ABLIM2: variants seen among roughly 807,000 people sequenced by gnomAD.
ABLIM2 encodes actin-binding LIM protein 2.
In ABLIM2, 53 loss-of-function variants were observed where a neutral mutation model predicts 97.7. The observed-to-expected ratio is 0.54, with a 90% CI of 0.44 to 0.68. ABLIM2 has a LOEUF of 0.68. Among genes scored for constraint, ABLIM2 ranks in the 30% least tolerant of loss-of-function variants. The pLI is 0.00. For missense variants in ABLIM2, 835 were observed against 867.2 expected, an observed-to-expected ratio of 0.96 and a Z score of 0.47; for synonymous variants, 361 against 345.8, an observed-to-expected ratio of 1.04 and a Z score of -0.49.
intron 20 of ABLIM2, among the ~76,000 whole-genome samples, chr4:7,971,516 G>C (rs1728016054): frequency 6.6e-6 from 1 of 152,192 alleles, no homozygotes; most frequent in Non-Finnish European, 1.5e-5. Flanking sequence ...CAGGCTCAGA[G>C]AGGTTGTGTG....
chr4:8,133,766 G>A (rs895223589), intron 1 of ABLIM2, among the ~76,000 whole-genome samples: 2 of 152,200 alleles, frequency 1.3e-5, no homozygotes, highest in South Asian at 2.1e-4. Flanking sequence ...TTGAGACAGC[G>A]ATTCCCAGAG....
chr4:7,968,931 A>T (rs1725313681), intron 20 of ABLIM2, among the ~76,000 whole-genome samples: 1 of 152,104 alleles, frequency 6.6e-6, no homozygotes, highest in Non-Finnish European at 1.5e-5. Flanking sequence ...ACCTTAGGTC[A>T]GGAGTTCAAG....
At chr4:8,013,731 A>T (rs1444418641) in intron 14 of ABLIM2, among the ~76,000 whole-genome samples, 1 of 152,168 alleles carries the variant, frequency 6.6e-6, no homozygotes, top group African/African-American at 2.4e-5. Context: ...ATCGCCACTG[A>T]CTTTGCTTCC....
rs796259559 is a variant in ABLIM2, at chr4:7,988,425, A to G, written c.1681-3532T>C. On this transcript the variant is annotated intron_variant, in intron 17 of 20. Transcript: ENST00000447017. ...GATTATCACTTTACAGATGAGCCTT[A>G]GAGAGATTAAATAACTTGCCTGAGA... 3.9e-4 allele frequency among the ~76,000 whole-genome samples: 60 copies of G among 152,360 alleles called. 1 individual carries two copies. The highest frequency in any genetic ancestry group is 1.4e-3 in the African/African-American group (59 of 41,590).
intron 1 of ABLIM2, among the ~76,000 whole-genome samples, chr4:8,133,356 G>A (rs569027156): frequency 1.8e-3 from 267 of 151,550 alleles, no homozygotes; most frequent in African/African-American, 6.1e-3. Context: ...CACCCCGGGT[G>A]CCCTGGCACA....
Position 8,082,816 on chromosome 4 carries a change from C to G in ABLIM2, c.455-2014G>C, listed in dbSNP as rs1193063223. Among the ~76,000 whole-genome samples the G allele has an allele frequency of 6.6e-6, 1 of 152,192 alleles. No individual in the cohort carries two copies. Among genetic ancestry groups the G allele is most frequent in the African/African-American group, 2.4e-5 (1 of 41,446 alleles). ...CTTCTCAAGTCCAGGAGGCGACCCC[C>G]ACATCACCCAATCTGCCGCGCTCCT... On this transcript the variant is annotated intron_variant, in intron 4 of 20. Coordinates refer to ENST00000447017, the MANE Select transcript of ABLIM2 (RefSeq NM_001130083.2). The surrounding 1 kb of genome is among the most constrained non-coding windows in gnomAD (Gnocchi z 5.6).
Position 8,009,383 on chromosome 4 carries a change from C to T in ABLIM2, c.1424-281G>A, listed in dbSNP as rs565033422. On this transcript the variant is annotated intron_variant, in intron 14 of 20. Coordinates refer to ENST00000447017, the MANE Select transcript of ABLIM2 (RefSeq NM_001130083.2). The stretch of plus-strand genomic sequence containing the variant: ...AATGTTTTCAGATGTAGCCACTTGG[C>T]CTTTTGATTTTGTTTTGTTTTTTGT... 1.3e-4 allele frequency among the ~76,000 whole-genome samples: 20 copies of T among 152,192 alleles called. No homozygotes were observed. In the East Asian group the frequency reaches 3.9e-3, roughly 29 times the overall value.
Position 8,112,742 on chromosome 4 carries a change from AT to A in ABLIM2, c.11-6106del, listed in dbSNP as rs1840963985. On this transcript the variant is annotated intron_variant, in intron 1 of 20. Transcript: ENST00000447017. The surrounding 1 kb of genome is among the most constrained non-coding windows in gnomAD (Gnocchi z 4.2). The stretch of plus-strand genomic sequence containing the variant: ...TTGTTCCATACCATGCCCCACAGGA[AT>A]GGTCAGTCATCCTCATCTCACGGAT... Among the ~76,000 whole-genome samples, 1 of 152,144 alleles carries A rather than the reference AT, an allele frequency of 6.6e-6. No individual in the cohort carries two copies. The highest frequency in any genetic ancestry group is 2.4e-5 in the African/African-American group (1 of 41,442).
rs538507682 is a variant in ABLIM2, at chr4:8,061,041, T to C, written c.689A>G (p.His230Arg). 6.3e-7 allele frequency: 1 copy of C among 1,593,050 alleles called. No individual in the cohort carries two copies. Among genetic ancestry groups the C allele is most frequent in the South Asian group, 1.1e-5 (1 of 87,410 alleles). ...ACATAGCGCGCAGGAAGGGTGGTAGTGCTTCTCTCCGGCCTGTAAGAAAAG... is the reference window on the plus strand; with the variant it reads ...ACATAGCGCGCAGGAAGGGTGGTAGCGCTTCTCTCCGGCCTGTAAGAAAAG... The part of the protein sequence containing the change: ...TGRVLEAGEK[H>R]YHPSCALCVR... Residue 230 changes from histidine (H) to arginine (R), a missense_variant, in exon 7 of 21, where the codon CAC becomes CGC. Transcript: ENST00000447017. The surrounding 1 kb of genome is among the most constrained non-coding windows in gnomAD (Gnocchi z 4.5).
At position 8,113,984 on chromosome 4, in the gene ABLIM2, C is replaced by A. The variant is rs1385209660; in HGVS notation, c.11-7347G>T. 5.3e-5 allele frequency among the ~76,000 whole-genome samples: 8 copies of A among 151,990 alleles called. No homozygotes were observed. Among genetic ancestry groups the A allele is most frequent in the African/African-American group, 1.7e-4 (7 of 41,378 alleles). On this transcript the variant is annotated intron_variant, in intron 1 of 20. Coordinates refer to ENST00000447017, the MANE Select transcript of ABLIM2 (RefSeq NM_001130083.2). The surrounding 1 kb of genome is among the most constrained non-coding windows in gnomAD (Gnocchi z 4.5). ...AGGGAGGGCTTCTGGGAGGAGGTGA[C>A]ATAAACTAGAAGCTCAGAGGATGGA...
intron 17 of ABLIM2, among the ~76,000 whole-genome samples, chr4:7,988,966 T>C (rs1746516535): frequency 6.6e-6 from 1 of 152,112 alleles, no homozygotes; most frequent in African/African-American, 2.4e-5. Flanking sequence ...CATGTGAAAA[T>C]CTCATTCAAG....
chr4:8,005,856 G>A lies in ABLIM2; in HGVS notation c.1618+2203C>T, dbSNP rs1262078766. 6.6e-6 allele frequency among the ~76,000 whole-genome samples: 1 copy of A among 152,230 alleles called. No individual in the cohort carries two copies. The highest frequency in any genetic ancestry group is 1.5e-5 in the Non-Finnish European group (1 of 68,044). On this transcript the variant is annotated intron_variant, in intron 16 of 20. Coordinates refer to ENST00000447017, the MANE Select transcript of ABLIM2 (RefSeq NM_001130083.2). The surrounding 1 kb of genome is among the most constrained non-coding windows in gnomAD (Gnocchi z 4.9). ...TCTTCATAAGCAGGCATGGCCAGGG[G>A]AAGGACACATATGTCTGTGCTGGAG...
At chr4:8,034,116 G>A (rs1021130502) in intron 10 of ABLIM2, among the ~76,000 whole-genome samples, 2 of 152,198 alleles carry the variant, frequency 1.3e-5, no homozygotes, top group Admixed American at 6.5e-5. Flanking sequence ...CGGGGAAGAA[G>A]GGACTGGATT....
chr4:7,967,471 G>T (rs1263375352), intron 20 of ABLIM2, among the ~76,000 whole-genome samples: 2 of 152,342 alleles, frequency 1.3e-5, no homozygotes, highest in African/African-American at 2.4e-5. Flanking sequence ...GGTCATATTT[G>T]TTACTTCAGT....
intron 10 of ABLIM2, among the ~76,000 whole-genome samples, chr4:8,031,927 G>A (rs1781193934): frequency 1.3e-5 from 2 of 151,996 alleles, no homozygotes; most frequent in Non-Finnish European, 2.9e-5. Flanking sequence ...GTTTCACTAT[G>A]TTTTGGCCAG....
At chr4:8,026,225 C>T in intron 12 of ABLIM2, among the ~76,000 whole-genome samples, 1 of 151,822 alleles carries the variant, frequency 6.6e-6, no homozygotes, top group Admixed American at 6.6e-5. Context: ...TGGTCTTAAA[C>T]TCTTGGCCTC....
intron 20 of ABLIM2, among the ~76,000 whole-genome samples, chr4:7,980,481 G>C (rs1174277970): frequency 6.6e-6 from 1 of 152,166 alleles, no homozygotes; most frequent in East Asian, 1.9e-4. Context: ...TTGGGAGGCA[G>C]AGGTGGGCAG....
chr4:8,021,398 C>T lies in ABLIM2; in HGVS notation c.1268-1095G>A, dbSNP rs182587923. Among the ~76,000 whole-genome samples the T allele has an allele frequency of 7.6e-4, 116 of 152,216 alleles. 1 individual carries two copies. In the East Asian group the frequency reaches 0.017, roughly 22 times the overall value. On this transcript the variant is annotated intron_variant, in intron 12 of 20. Transcript: ENST00000447017. The surrounding 1 kb of genome is among the most constrained non-coding windows in gnomAD (Gnocchi z 5.5). ...CTTGTGATGAGAGAAGGTGTACGCTCCCTGCAGAAGACACTCCCAAGGCCC... is the reference window on the plus strand; with the variant it reads ...CTTGTGATGAGAGAAGGTGTACGCTTCCTGCAGAAGACACTCCCAAGGCCC...
Position 7,986,617 on chromosome 4 carries a change from C to A in ABLIM2, c.1681-1724G>T, listed in dbSNP as rs990568391. 1.3e-5 allele frequency among the ~76,000 whole-genome samples: 2 copies of A among 152,204 alleles called. No homozygotes were observed. The highest frequency in any genetic ancestry group is 4.8e-5 in the African/African-American group (2 of 41,448). Reference sequence around the variant, plus strand: ...CTGGGCCTGGACCCTGAGCCAGGGTCCTCTTGCCTCCACCACTTCACAAAA... The same window carrying A: ...CTGGGCCTGGACCCTGAGCCAGGGTACTCTTGCCTCCACCACTTCACAAAA... On this transcript the variant is annotated intron_variant, in intron 17 of 20. Transcript: ENST00000447017. This position sits in a 1 kb window ranked among gnomAD's most constrained non-coding sequence, Gnocchi z 4.3.
Sources: gnomAD v4.1 joint callset for allele counts (sites outside exome capture counted in the v4.1 genomes callset) on GRCh38, gnomAD v4.1.1 for gene constraint, Gnocchi (gnomAD v3.1) non-coding constraint, MANE v1.5 for transcripts, NCBI Gene and HGNC (gene_info 2026-07-23, HGNC 2026-07-21) for gene names.